Variants in COBL observed in about 807,000 individuals in gnomAD.
COBL encodes cordon-bleu WH2 repeat protein.
COBL carries 51 observed loss-of-function variants against 98.8 expected under a neutral mutation model. The observed-to-expected ratio is 0.52, with a 90% CI of 0.41 to 0.65. COBL has a LOEUF of 0.65. Among genes scored for constraint, COBL ranks in the 30% least tolerant of loss-of-function variants. The pLI is 0.00. For missense variants in COBL, 1,617 were observed against 1,617.5 expected, an observed-to-expected ratio of 1.00 and a Z score of 0.01; for synonymous variants, 634 against 651.7, an observed-to-expected ratio of 0.97 and a Z score of 0.41.
At chr7:51,105,991 G>A (rs866585016) in intron 6 of COBL, among the ~76,000 whole-genome samples, 103 of 147,946 alleles carry the variant, frequency 7.0e-4, no homozygotes, top group African/African-American at 2.4e-3. Flanking sequence ...TCAGGAGTTC[G>A]AGACCAGTCT....
At chr7:51,087,066 C>T (rs1279244557) in intron 6 of COBL, among the ~76,000 whole-genome samples, 1 of 151,564 alleles carries the variant, frequency 6.6e-6, no homozygotes, top group Non-Finnish European at 1.5e-5. Flanking sequence ...TAGGTATTGG[C>T]ATCTACTCCA....
Position 51,309,891 on chromosome 7 carries a change from G to A in COBL, c.41+6702C>T, listed in dbSNP as rs1802848645. On this transcript the variant is annotated intron_variant, in intron 1 of 12. Transcript: ENST00000265136. ...AGGAGGTTTTCGGACAGGGGAGGGC[G>A]TGGGGTGTGAGAGGGATACTCTCAG... 2.0e-5 allele frequency among the ~76,000 whole-genome samples: 3 copies of A among 152,316 alleles called. No individual in the cohort carries two copies. The South Asian group carries it at 6.2e-4, about 32-fold the overall frequency.
rs1787738515 is a variant in COBL at position 51,027,964 on chromosome 7, TG to T, written c.3131del (p.Pro1044GlnfsTer21). 5.6e-6 allele frequency: 9 copies of T among 1,609,462 alleles called. No individual in the cohort carries two copies. The highest frequency in any genetic ancestry group is 7.6e-6 in the Non-Finnish European group (9 of 1,177,516). On this transcript the variant is annotated frameshift_variant, in exon 10 of 13. Transcript: ENST00000265136. LOFTEE classifies it high-confidence loss of function. ...RELVNGSVRA[P>X]GHGEPSHPPG... ...GAGGGTGGGAAGGCTCGCCGTGGCC[TG>T]GGGCGCGCACAGAGCCATTGACCAG...
chr7:51,066,438 G>A (rs1656343680), intron 7 of COBL, among the ~76,000 whole-genome samples: 1 of 152,330 alleles, frequency 6.6e-6, no homozygotes, highest in African/African-American at 2.4e-5. Flanking sequence ...AGGACACAGA[G>A]TAGGGAGGAG....
intron 5 of COBL, among the ~76,000 whole-genome samples, chr7:51,158,063 T>C (rs949189340): frequency 2.0e-5 from 3 of 152,206 alleles, no homozygotes; most frequent in Non-Finnish European, 4.4e-5. Context: ...AGTTGTTGTG[T>C]TAGAGAGGCA....
intron 6 of COBL, among the ~76,000 whole-genome samples, chr7:51,111,666 T>TC (rs139168388): frequency 0.027 from 4,059 of 152,176 alleles, 165 homozygotes; most frequent in African/African-American, 0.094. Flanking sequence ...CAGCTGCCTC[T>TC]CCCCCGTGCC....
At chr7:51,215,842 C>A (rs2129083108) in intron 2 of COBL, among the ~76,000 whole-genome samples, 1 of 152,364 alleles carries the variant, frequency 6.6e-6, no homozygotes, top group Admixed American at 6.5e-5. Flanking sequence ...AGCCTCCCTT[C>A]CCTTGCACCT....
In COBL at chr7:51,039,114, T is replaced by A. The variant is rs190850872; in HGVS notation, c.1406+4269A>T. Among the ~76,000 whole-genome samples, 11 of 152,290 alleles carry A rather than the reference T, an allele frequency of 7.2e-5. No homozygotes were observed. In the East Asian group the frequency reaches 2.1e-3, roughly 29 times the overall value. The stretch of plus-strand genomic sequence containing the variant: ...CTCTTGATCAAGGTGGTGTTGGGTA[T>A]ATGTTTCAGGGGCACAATGAAAGAG... On this transcript the variant is annotated intron_variant, in intron 8 of 12. Transcript: ENST00000265136.
chr7:51,036,278 A>G (rs1463858358), intron 8 of COBL, among the ~76,000 whole-genome samples: 1 of 139,904 alleles, frequency 7.1e-6, no homozygotes, highest in Non-Finnish European at 1.5e-5. Flanking sequence ...GGGAGGATGC[A>G]GTGAGCCAAG....
chr7:51,065,390 G>C (rs1364676445), intron 7 of COBL: 3 of 703,396 alleles, frequency 4.3e-6, no homozygotes, highest in Non-Finnish European at 5.2e-6. Flanking sequence ...GCTGTGCCCG[G>C]GGCTGTGGTA....
At chr7:51,264,321 A>G (rs1433553806) in intron 1 of COBL, among the ~76,000 whole-genome samples, 1 of 152,168 alleles carries the variant, frequency 6.6e-6, no homozygotes, top group Non-Finnish European at 1.5e-5. Context: ...GAGAGTGAGG[A>G]CACCTCTACG....
At chr7:51,040,826 G>A (rs1789110288) in intron 8 of COBL, among the ~76,000 whole-genome samples, 1 of 152,204 alleles carries the variant, frequency 6.6e-6, no homozygotes, top group African/African-American at 2.4e-5. Flanking sequence ...TATTCTGGCT[G>A]TGGCCATAGT....
chr7:51,114,098 C>G (rs900849223), intron 6 of COBL, among the ~76,000 whole-genome samples: 6 of 152,120 alleles, frequency 3.9e-5, no homozygotes, highest in African/African-American at 1.2e-4. Flanking sequence ...TCTACATAAG[C>G]GATCTCCACC....
chr7:51,064,119 G>A (rs1454125669), intron 7 of COBL, among the ~76,000 whole-genome samples: 1 of 152,148 alleles, frequency 6.6e-6, no homozygotes, highest in East Asian at 1.9e-4. Context: ...CAGTAATCCT[G>A]TTCTCCCTGA....
chr7:51,303,559 G>C (rs1398164025), intron 1 of COBL, among the ~76,000 whole-genome samples: 1 of 152,160 alleles, frequency 6.6e-6, no homozygotes, highest in Non-Finnish European at 1.5e-5. Flanking sequence ...AGCAAAAACA[G>C]ACTCATTCCA....
intron 7 of COBL, among the ~76,000 whole-genome samples, chr7:51,055,237 T>C (rs1478504125): frequency 1.3e-5 from 2 of 152,130 alleles, no homozygotes; most frequent in Non-Finnish European, 2.9e-5. Flanking sequence ...CTTCCTGGAC[T>C]CGCAAAGCCC....
chr7:51,274,877 T>C (rs1170459823), intron 1 of COBL, among the ~76,000 whole-genome samples: 5 of 152,254 alleles, frequency 3.3e-5, no homozygotes. Flanking sequence ...TTTTCTGAGA[T>C]ACTTTCAGTA....
In COBL at chr7:51,043,602, C is replaced by G. The variant is rs912163282; in HGVS notation, c.1187G>C (p.Ser396Thr). ...SEAEETVSVG[S>T]CFASEDTTED... is the part of the protein sequence containing the mutation. ...GGTCGTGTCCTCCGACGCAAAACAG[C>G]TGCCAACTGACACGGTCTCCTCCGC... Residue 396 changes from serine to threonine, a missense_variant, in exon 8 of 13, where the codon AGC becomes ACC. Physicochemically the swap from Ser to Thr is moderately conservative, Grantham distance 58. Coordinates refer to ENST00000265136, the MANE Select transcript of COBL (RefSeq NM_015198.5). 3 of 1,614,086 alleles carry G rather than the reference C, an allele frequency of 1.9e-6. No individual in the cohort carries two copies. In the African/African-American group the frequency reaches 4.0e-5, roughly 22 times the overall value.
Position 51,216,067 on chromosome 7 carries a change from T to C in COBL, c.245+3674A>G, listed in dbSNP as rs145347454. Among the ~76,000 whole-genome samples, 510 of 152,370 alleles carry C rather than the reference T, an allele frequency of 3.3e-3. 1 individual carries two copies. The highest frequency in any genetic ancestry group is 0.012 in the African/African-American group (493 of 41,590). On this transcript the variant is annotated intron_variant, in intron 2 of 12. Transcript: ENST00000265136. Reference sequence around the variant, plus strand: ...TTCTGCAAAAGGAAGGCTTGCCTTCTTCTGCCCTAGCCCTTGGCCTTGAAC... The same window carrying C: ...TTCTGCAAAAGGAAGGCTTGCCTTCCTCTGCCCTAGCCCTTGGCCTTGAAC...
Sources: gnomAD v4.1 joint callset for allele counts (sites outside exome capture counted in the v4.1 genomes callset) on GRCh38, gnomAD v4.1.1 for gene constraint, MANE v1.5 for transcripts, NCBI Gene and HGNC (gene_info 2026-07-23, HGNC 2026-07-21) for gene names.